The following RIMBP2 variants were observed in gnomAD, a reference collection of about 807,000 sequenced individuals.
The protein encoded by RIMBP2 is RIMS binding protein 2.
RIMBP2 carries 48 observed loss-of-function variants against 118.6 expected under a neutral mutation model. The ratio of observed to expected loss-of-function variants is 0.40; its 90% CI spans 0.32 to 0.51. The LOEUF is 0.51. Ranked by LOEUF, RIMBP2 falls within the 20% of genes least tolerant of loss-of-function variation. The probability of loss-of-function intolerance (pLI) is 0.41; values close to 1 mark genes in which losing one functional copy is unlikely to be tolerated. For missense variants in RIMBP2, 1,551 were observed against 1,768.3 expected (o/e 0.88, Z 2.20); for synonymous variants, 762 against 742.9 (o/e 1.03, Z -0.42).
intron 11 of RIMBP2, among the ~76,000 whole-genome samples, chr12:130,441,417 A>AATC (rs1251918500): frequency 3.6e-5 from 5 of 139,108 alleles, no homozygotes; most frequent in South Asian, 2.2e-4. Flanking sequence ...TAATAATAAT[A>AATC]ATAATAATAA....
chr12:130,455,161 GGAGA>G (rs1297481427), intron 7 of RIMBP2, among the ~76,000 whole-genome samples: 2 of 152,284 alleles, frequency 1.3e-5, no homozygotes, highest in African/African-American at 4.8e-5. Flanking sequence ...TTCACGGGAG[GGAGA>G]GAGACAGCAT....
intron 5 of RIMBP2, among the ~76,000 whole-genome samples, chr12:130,473,428 C>G (rs866851530): frequency 1.3e-5 from 2 of 152,206 alleles, no homozygotes; most frequent in African/African-American, 4.8e-5. Flanking sequence ...GGAGCAGCAG[C>G]AGCATCTGGG....
chr12:130,666,153 TC>T (rs2063906597), intron 1 of RIMBP2, among the ~76,000 whole-genome samples: 1 of 152,098 alleles, frequency 6.6e-6, no homozygotes. Flanking sequence ...CCAAAAAAGA[TC>T]CCCCTTCTTT....
chr12:130,704,368 G>C (rs1232350217), intron 1 of RIMBP2, among the ~76,000 whole-genome samples: 1 of 152,180 alleles, frequency 6.6e-6, no homozygotes, highest in Non-Finnish European at 1.5e-5. Flanking sequence ...CTGAGGTCAG[G>C]AGTTTGAGAC....
intron 1 of RIMBP2, among the ~76,000 whole-genome samples, chr12:130,645,564 T>C (rs117173226): frequency 0.014 from 2,100 of 152,262 alleles, 20 homozygotes; most frequent in Non-Finnish European, 0.02. Flanking sequence ...AACTTTAGGA[T>C]TGGAGAAAGT....
At chr12:130,712,045 T>C (rs971710847) in intron 1 of RIMBP2, among the ~76,000 whole-genome samples, 4 of 152,298 alleles carry the variant, frequency 2.6e-5, no homozygotes, top group Middle Eastern at 3.4e-3. Flanking sequence ...AGATAAAGCA[T>C]GGTGCACCTG....
intron 2 of RIMBP2, among the ~76,000 whole-genome samples, chr12:130,543,836 A>G (rs1253741319): frequency 2.6e-5 from 4 of 151,986 alleles, no homozygotes; most frequent in African/African-American, 7.3e-5. Flanking sequence ...TGTTTTCCTT[A>G]CTGCCAATTT....
chr12:130,646,045 C>A (rs1468546020), intron 1 of RIMBP2, among the ~76,000 whole-genome samples: 2 of 128,902 alleles, frequency 1.6e-5, no homozygotes, highest in Admixed American at 1.6e-4. Flanking sequence ...CCAGTTCCCT[C>A]TCCACCTCCC....
intron 2 of RIMBP2, among the ~76,000 whole-genome samples, chr12:130,552,799 G>T (rs2055935534): frequency 6.6e-6 from 1 of 152,164 alleles, no homozygotes; most frequent in Non-Finnish European, 1.5e-5. Flanking sequence ...CACTGTCCAA[G>T]GTGCTGATTA....
At chr12:130,662,995 A>G (rs1271788413) in intron 1 of RIMBP2, among the ~76,000 whole-genome samples, 2 of 152,202 alleles carry the variant, frequency 1.3e-5, no homozygotes, top group African/African-American at 4.8e-5. Context: ...CCATAGGATA[A>G]TTAACCAGAA....
chr12:130,458,029 G>C lies in RIMBP2; in HGVS notation c.154-1329C>G, dbSNP rs867922176. On this transcript the variant is annotated intron_variant, in intron 6 of 22. Transcript: ENST00000690449. ...GCTTTGTCTGCCTGTTTCCTGCTGC[G>C]TCCCGGACCTGAGCAAAGGGCTCAG... 2.0e-5 allele frequency among the ~76,000 whole-genome samples: 3 copies of C among 151,782 alleles called. No individual in the cohort carries two copies. In the East Asian group the frequency reaches 5.9e-4, roughly 30 times the overall value.
Position 130,442,420 on chromosome 12 carries a change from TCTC to T in RIMBP2, c.929_931del (p.Gly310del). ...TTTTCTAGGGTAAGGCACGATGTCT[TCTC>T]CGATGTCGTCGATGTTCACGTCCAG... On this transcript the variant is annotated inframe_deletion, in exon 11 of 23. Transcript: ENST00000690449. This position sits in a 1 kb window ranked among gnomAD's most constrained non-coding sequence, Gnocchi z 6.9. 1 of 1,614,086 alleles carries T rather than the reference TCTC, an allele frequency of 6.2e-7. No individual in the cohort carries two copies. The highest frequency in any genetic ancestry group is 8.5e-7 in the Non-Finnish European group (1 of 1,180,012).
At chr12:130,429,486 C>A (rs1167082394) in intron 14 of RIMBP2, 1 of 152,020 alleles carries the variant, frequency 6.6e-6, no homozygotes, top group South Asian at 2.1e-4. Context: ...AGTAAACCTT[C>A]GACAACTCGA....
chr12:130,591,189 A>G (rs2059234114), intron 2 of RIMBP2, among the ~76,000 whole-genome samples: 1 of 152,202 alleles, frequency 6.6e-6, no homozygotes, highest in Admixed American at 6.5e-5. Context: ...ACAATCCACA[A>G]TGGACTTGTT....
At chr12:130,452,550 G>A (rs1177658773) in intron 7 of RIMBP2, among the ~76,000 whole-genome samples, 2 of 152,370 alleles carry the variant, frequency 1.3e-5, no homozygotes, top group African/African-American at 2.4e-5. Flanking sequence ...GCCGACAGCA[G>A]AGCCTGCTGC....
chr12:130,498,164 A>T (rs1418938299), intron 4 of RIMBP2, among the ~76,000 whole-genome samples: 1 of 109,216 alleles, frequency 9.2e-6, no homozygotes, highest in Non-Finnish European at 2.1e-5. Flanking sequence ...CCATGAAGGC[A>T]GCACTGACTC....
At chr12:130,453,986 G>A (rs1468783912) in intron 7 of RIMBP2, among the ~76,000 whole-genome samples, 5 of 151,464 alleles carry the variant, frequency 3.3e-5, no homozygotes, top group South Asian at 4.2e-4. Context: ...CCTGGGAGGC[G>A]GGGCTTGTAC....
chr12:130,678,355 A>G (rs1303003887), intron 1 of RIMBP2, among the ~76,000 whole-genome samples: 2 of 152,252 alleles, frequency 1.3e-5, no homozygotes, highest in Non-Finnish European at 2.9e-5. Flanking sequence ...AGCATCCGTC[A>G]GCGGATAGGT....
At chr12:130,462,804 C>T (rs1395979478) in intron 6 of RIMBP2, among the ~76,000 whole-genome samples, 1 of 152,246 alleles carries the variant, frequency 6.6e-6, no homozygotes. Context: ...CCCTCTCCTG[C>T]CTGCTTGTCC....
Sources: allele counts gnomAD v4.1 joint callset (sites outside exome capture counted in the v4.1 genomes callset), GRCh38; gene constraint gnomAD v4.1.1; non-coding constraint Gnocchi (gnomAD v3.1); transcripts MANE v1.5; gene names NCBI Gene and HGNC (gene_info 2026-07-23, HGNC 2026-07-21).